Variants in PAPPA observed in about 807,000 individuals in gnomAD.
PAPPA encodes pappalysin-1.
Under a neutral mutation model 164.0 loss-of-function variants are expected in PAPPA, and 60 were observed. The ratio of observed to expected loss-of-function variants is 0.37; its 90% CI spans 0.30 to 0.45. The LOEUF (loss-of-function observed/expected upper bound fraction) is 0.45, where lower values mean the gene tolerates loss of function less well. Ranked by LOEUF, PAPPA falls within the 20% of genes least tolerant of loss-of-function variation. PAPPA has a pLI of 1.00. For synonymous variants in PAPPA, 875 were observed against 814.1 expected (o/e 1.07, Z -1.27); for missense variants, 1,782 against 2,087.3 (o/e 0.85, Z 2.85).
rs1322549303 is a variant in PAPPA at position 116,334,966 on chromosome 9, C to T, written c.3503C>T (p.Ser1168Leu). ...HSQAVRVSFS[S>L]PLVAISGVAL... is the part of the protein sequence containing the mutation. ...CAGGCGGTACGTGTGAGCTTCAGTT[C>T]GCCCCTGGTCGCCATCTCGGGGGTG... The change falls in exon 13 of 22, where the codon TCG becomes TTG. Residue 1168 changes from serine to leucine, a missense_variant. Coordinates refer to ENST00000328252, the MANE Select transcript of PAPPA (RefSeq NM_002581.5). 2.5e-6 allele frequency: 4 copies of T among 1,613,854 alleles called. No individual in the cohort carries two copies. The highest frequency in any genetic ancestry group is 2.5e-6 in the Non-Finnish European group (3 of 1,179,926).
chr9:116,396,044 C>A (rs959736528), intron 21 of PAPPA, among the ~76,000 whole-genome samples: 1 of 152,164 alleles, frequency 6.6e-6, no homozygotes, highest in African/African-American at 2.4e-5. Flanking sequence ...GTTTAAAATA[C>A]AAAGTGGGTC....
chr9:116,314,325 T>A (rs528201212), intron 10 of PAPPA, among the ~76,000 whole-genome samples: 100 of 152,158 alleles, frequency 6.6e-4, no homozygotes, highest in African/African-American at 2.4e-3. Flanking sequence ...TGCCTCAGCC[T>A]CCCAAAGTGC....
chr9:116,211,511 G>T (rs1004217657), intron 3 of PAPPA, 128 bp from the exon 4 acceptor site: 1 of 719,844 alleles, frequency 1.4e-6, no homozygotes, highest in Admixed American at 2.5e-5. Flanking sequence ...TCAGGGCAAT[G>T]GAGTCCTAGG....
chr9:116,221,219 C>T (rs1587958648), intron 5 of PAPPA, among the ~76,000 whole-genome samples: 1 of 152,070 alleles, frequency 6.6e-6, no homozygotes, highest in East Asian at 1.9e-4. Flanking sequence ...AGCTCAAGCT[C>T]TAAGGGGACC....
At chr9:116,348,169 A>G (rs1190159190) in intron 15 of PAPPA, among the ~76,000 whole-genome samples, 1 of 151,818 alleles carries the variant, frequency 6.6e-6, no homozygotes, top group African/African-American at 2.4e-5. Context: ...ATACAGGGAA[A>G]TATCTCTCTA....
intron 13 of PAPPA, among the ~76,000 whole-genome samples, chr9:116,339,364 C>T (rs1231584174): frequency 6.6e-6 from 1 of 152,094 alleles, no homozygotes. Flanking sequence ...CTCGACACAC[C>T]CCACTCAGCT....
intron 7 of PAPPA, among the ~76,000 whole-genome samples, chr9:116,255,160 G>T (rs1297245885): frequency 6.6e-6 from 1 of 151,862 alleles, no homozygotes; most frequent in Non-Finnish European, 1.5e-5. Flanking sequence ...AGTTTTTGTG[G>T]TCTGTATTTT....
intron 10 of PAPPA, among the ~76,000 whole-genome samples, chr9:116,317,456 T>C (rs914417296): frequency 1.3e-5 from 2 of 152,206 alleles, no homozygotes; most frequent in African/African-American, 4.8e-5. Flanking sequence ...CATATTTTAG[T>C]GCCTTACTCC....
rs1033236313 is a variant in PAPPA at position 116,309,006 on chromosome 9, G to A, written c.3147+6056G>A. ...TGCTCAATTTACAGTTTTGTCACAA[G>A]CTATGTGCTATACATAGGAAACCTT... On this transcript the variant is annotated intron_variant, in intron 10 of 21. Transcript: ENST00000328252. Among the ~76,000 whole-genome samples the A allele has an allele frequency of 8.5e-5, 13 of 152,158 alleles. No individual in the cohort carries two copies. The South Asian group carries it at 2.7e-3, about 32-fold the overall frequency.
At chr9:116,206,386 G>GT (rs1466598363) in intron 2 of PAPPA, among the ~76,000 whole-genome samples, 1 of 152,142 alleles carries the variant, frequency 6.6e-6, no homozygotes, top group Non-Finnish European at 1.5e-5. Context: ...AGAGGTGTAG[G>GT]TTTTCCACCC....
At chr9:116,226,323 A>T (rs1401754741) in intron 5 of PAPPA, among the ~76,000 whole-genome samples, 3 of 152,052 alleles carry the variant, frequency 2.0e-5, no homozygotes, top group African/African-American at 7.2e-5. Flanking sequence ...GAAACAGCAC[A>T]CTCTGATGCT....
At chr9:116,295,145 T>G (rs1845485864) in intron 9 of PAPPA, among the ~76,000 whole-genome samples, 1 of 152,194 alleles carries the variant, frequency 6.6e-6, no homozygotes, top group Non-Finnish European at 1.5e-5. Context: ...CTTCCCAGAC[T>G]AGTTATATTT....
intron 1 of PAPPA, among the ~76,000 whole-genome samples, chr9:116,169,981 A>G (rs1300835248): frequency 6.6e-6 from 1 of 152,186 alleles, no homozygotes; most frequent in Non-Finnish European, 1.5e-5. Flanking sequence ...GTGAAATACC[A>G]GAATAGCACT....
Position 116,187,083 on chromosome 9 carries a change from A to C in PAPPA, c.416-71A>C. The C allele has an allele frequency of 2.7e-6, 3 of 1,112,272 alleles. No individual in the cohort carries two copies. In the South Asian group the frequency reaches 4.4e-5, roughly 16 times the overall value. 68.9% of individuals were successfully genotyped at this position (1,112,272 alleles called of 1,614,324 possible). On this transcript the variant is annotated intron_variant, in intron 1 of 21. Transcript: ENST00000328252. This position sits in a 1 kb window ranked among gnomAD's most constrained non-coding sequence, Gnocchi z 4.2. ...GATAACCTGATACAAATTTTATTAG[A>C]GAAAAATAACTTAACCCCCCCTCCT...
chr9:116,255,736 T>G (rs1844919851), intron 7 of PAPPA, among the ~76,000 whole-genome samples: 1 of 151,918 alleles, frequency 6.6e-6, no homozygotes, highest in Admixed American at 6.6e-5. Flanking sequence ...AATAAGGATT[T>G]TAAATGAGAT....
intron 13 of PAPPA, among the ~76,000 whole-genome samples, chr9:116,341,418 C>T (rs1846135653): frequency 6.6e-6 from 1 of 152,158 alleles, no homozygotes; most frequent in Non-Finnish European, 1.5e-5. Context: ...TTTATACCTG[C>T]TCTTCCCTCT....
intron 10 of PAPPA, among the ~76,000 whole-genome samples, chr9:116,313,506 G>A (rs1845749132): frequency 6.6e-6 from 1 of 152,234 alleles, no homozygotes; most frequent in South Asian, 2.1e-4. Context: ...CTGACTGGTG[G>A]CAAGGGGTCC....
chr9:116,364,449 C>G (rs954869488), intron 18 of PAPPA, among the ~76,000 whole-genome samples: 6 of 152,150 alleles, frequency 3.9e-5, no homozygotes, highest in Admixed American at 3.9e-4. Flanking sequence ...ACACACACAT[C>G]ATATAGTAAG....
chr9:116,216,930 C>T (rs1193520910), intron 4 of PAPPA, among the ~76,000 whole-genome samples: 1 of 151,884 alleles, frequency 6.6e-6, no homozygotes, highest in African/African-American at 2.4e-5. Context: ...TTGGTGGAGA[C>T]AGGGTTTCAC....
Sources: allele counts gnomAD v4.1 joint callset (sites outside exome capture counted in the v4.1 genomes callset), GRCh38; gene constraint gnomAD v4.1.1; non-coding constraint Gnocchi (gnomAD v3.1); transcripts MANE v1.5; gene names NCBI Gene and HGNC (gene_info 2026-07-23, HGNC 2026-07-21).